KCNMA1: variants seen among roughly 807,000 people sequenced by gnomAD.
KCNMA1 encodes Calcium-activated potassium channel subunit alpha-1.
In KCNMA1, 29 loss-of-function variants were observed where a neutral mutation model predicts 140.0. The observed-to-expected ratio is 0.21, with a 90% CI of 0.15 to 0.28. The LOEUF is 0.28. Ranked by LOEUF, KCNMA1 falls within the 10% of genes least tolerant of loss-of-function variation. The probability of loss-of-function intolerance (pLI) is 1.00; values close to 1 mark genes in which losing one functional copy is unlikely to be tolerated. For missense variants in KCNMA1, 880 were observed against 1,602.2 expected (o/e 0.55, Z 7.70); for synonymous variants, 612 against 611.9 (o/e 1.00, Z 0.00).
At chr10:76,873,426 G>C (rs2031758338), downstream of KCNMA1, 1 of 152,006 alleles carries the variant, frequency 6.6e-6, no homozygotes, top group Admixed American at 6.6e-5. Context: ...CATCTCTGCT[G>C]GATTAAAAAA....
chr10:77,585,627 A>AATTATGT (rs2077072605), intron 1 of KCNMA1, among the ~76,000 whole-genome samples: 1 of 152,290 alleles, frequency 6.6e-6, no homozygotes, highest in Non-Finnish European at 1.5e-5. Context: ...TTTGTATAAA[A>AATTATGT]ATTATGTATT....
At chr10:76,917,230 A>G (rs753556205) in intron 23 of KCNMA1, among the ~76,000 whole-genome samples, 1 of 152,246 alleles carries the variant, frequency 6.6e-6, no homozygotes, top group Non-Finnish European at 1.5e-5. Context: ...CAACTTGACA[A>G]GTAAACACCT....
At chr10:77,401,908 TCAATAACTTCCGCATATGGTG>T (rs965808211) in intron 2 of KCNMA1, among the ~76,000 whole-genome samples, 1 of 152,130 alleles carries the variant, frequency 6.6e-6, no homozygotes, top group African/African-American at 2.4e-5. Flanking sequence ...ATGCATTCCT[TCAATAACTTCCGCATATGGTG>T]CAATAGAATC....
At chr10:77,067,728 G>A (rs1184607114) in intron 14 of KCNMA1, among the ~76,000 whole-genome samples, 1 of 152,180 alleles carries the variant, frequency 6.6e-6, no homozygotes. Flanking sequence ...TAACTGTTAT[G>A]ATGCAGTGGC....
Position 76,887,515 on chromosome 10 carries a change from C to T in KCNMA1, c.3462G>A (p.Arg1154=). ...CATAGGGCGGGTTGGTGATGACATA[C>T]CTGGACAGGGAAAGCAGAGATGTCA... ...HLSTPSQCTK[R]YVITNPPYEF... The change falls in exon 28 of 28, where the codon AGG becomes AGA. Residue 1154 remains arginine, a splice_region_variant and synonymous_variant. Coordinates refer to ENST00000286628, the MANE Select transcript of KCNMA1 (RefSeq NM_001161352.2). 2.5e-6 allele frequency: 4 copies of T among 1,614,110 alleles called. No homozygotes were observed. Among genetic ancestry groups the T allele is most frequent in the Non-Finnish European group, 3.4e-6 (4 of 1,180,014 alleles).
chr10:77,416,233 G>A (rs2096738681), intron 1 of KCNMA1, among the ~76,000 whole-genome samples: 2 of 152,104 alleles, frequency 1.3e-5, no homozygotes, highest in South Asian at 4.1e-4. Flanking sequence ...GCAGCCTTGG[G>A]GCCAGGAAAG....
At chr10:77,235,071 TG>T (rs937638732) in intron 3 of KCNMA1, among the ~76,000 whole-genome samples, 25 of 152,344 alleles carry the variant, frequency 1.6e-4, no homozygotes, top group African/African-American at 5.3e-4. Flanking sequence ...AGATGAATTT[TG>T]GAAGAAGCAT....
rs535022293 is a variant in KCNMA1 at position 77,385,706 on chromosome 10, T to C, written c.540+18156A>G. 5.9e-5 allele frequency among the ~76,000 whole-genome samples: 9 copies of C among 152,260 alleles called. No individual in the cohort carries two copies. The South Asian group carries it at 6.2e-4, about 11-fold the overall frequency. On this transcript the variant is annotated intron_variant, in intron 2 of 27. Transcript: ENST00000286628. ...GTAGGATTTGAACACATGGAGTGCA[T>C]GGAGGAGAGCAGAAGAAGGACAGGT...
chr10:77,496,596 CAAAAA>C (rs201304328), intron 1 of KCNMA1, among the ~76,000 whole-genome samples: 2 of 62,974 alleles, frequency 3.2e-5, no homozygotes, highest in Non-Finnish European at 8.9e-5. Context: ...GACACTGTCT[CAAAAA>C]AAAAAAAAAA....
chr10:77,170,449 A>G (rs916825504), intron 5 of KCNMA1, among the ~76,000 whole-genome samples: 15 of 151,828 alleles, frequency 9.9e-5, no homozygotes, highest in African/African-American at 3.6e-4. Context: ...GTGAGGCTCC[A>G]TCCCTGGGAG....
chr10:76,870,417 A>C (rs1658378759), exon 28 of KCNMA1: 1 of 152,308 alleles, frequency 6.6e-6, no homozygotes, highest in Non-Finnish European at 1.5e-5. Context: ...TTAACTAGCA[A>C]GATGGAGGAG....
At chr10:77,037,563 G>C (rs2094418372) in intron 15 of KCNMA1, among the ~76,000 whole-genome samples, 1 of 152,170 alleles carries the variant, frequency 6.6e-6, no homozygotes, top group Admixed American at 6.5e-5. Flanking sequence ...AGCAGAGTAA[G>C]AGAAGGGTGG....
Position 76,913,799 on chromosome 10 carries a change from T to G in KCNMA1, c.3016+1137A>C, listed in dbSNP as rs2395443. 1 allele frequency: 447,314 copies of G among 447,896 alleles called. 223,366 individuals are homozygous for G. Among genetic ancestry groups the G allele is most frequent in the Middle Eastern group, 1 (1,628 of 1,628 alleles). The allele number at this position is 447,896 out of a possible 1,614,324, so 27.7% of individuals were successfully genotyped here. The stretch of plus-strand genomic sequence containing the variant: ...GCCAGAGAAAATGAATTAGAGCAAA[T>G]ATGCTTTGGAAACAACTGCCAGGTC... On this transcript the variant is annotated intron_variant, in intron 24 of 27. Transcript: ENST00000286628.
chr10:77,324,967 CTCTCTGTGTGTGTGTG>C (rs2083562221), intron 2 of KCNMA1, among the ~76,000 whole-genome samples: 2 of 97,366 alleles, frequency 2.1e-5, no homozygotes, highest in South Asian at 3.7e-4. Flanking sequence ...CTCTCTCTCT[CTCTCTGTGTGTGTGTG>C]TGTGTGTGTG....
At chr10:77,184,162 A>C (rs144977063) in intron 4 of KCNMA1, among the ~76,000 whole-genome samples, 17 of 152,210 alleles carry the variant, frequency 1.1e-4, no homozygotes, top group Non-Finnish European at 2.4e-4. Flanking sequence ...GGCTCAGCTA[A>C]GTGAACACTG....
chr10:77,069,159 T>C (rs2096084079), intron 14 of KCNMA1, among the ~76,000 whole-genome samples: 1 of 152,076 alleles, frequency 6.6e-6, no homozygotes, highest in South Asian at 2.1e-4. Flanking sequence ...ATTGCCTGGG[T>C]CTTTACAGAA....
At chr10:77,556,319 A>G (rs2064364180) in intron 1 of KCNMA1, among the ~76,000 whole-genome samples, 1 of 152,026 alleles carries the variant, frequency 6.6e-6, no homozygotes, top group Non-Finnish European at 1.5e-5. Flanking sequence ...AGCCTGGCCA[A>G]CATGGTGAAA....
chr10:77,508,340 A>AT (rs58578775), intron 1 of KCNMA1, among the ~76,000 whole-genome samples: 31,246 of 131,512 alleles, frequency 0.24, 3,939 homozygotes, highest in East Asian at 0.5. Flanking sequence ...ATGCCTGGCT[A>AT]TTTTTTTTTT....
chr10:76,944,025 C>T (rs929931166), intron 23 of KCNMA1, among the ~76,000 whole-genome samples: 3 of 152,202 alleles, frequency 2.0e-5, no homozygotes, highest in African/African-American at 4.8e-5. Context: ...CATGGCTAGC[C>T]TACACGGAGG....
Sources: allele counts gnomAD v4.1 joint callset (sites outside exome capture counted in the v4.1 genomes callset), GRCh38; gene constraint gnomAD v4.1.1; transcripts MANE v1.5; gene names NCBI Gene and HGNC (gene_info 2026-07-23, HGNC 2026-07-21).